The following SLC22A12 variants were observed in gnomAD, a reference collection of about 807,000 sequenced individuals.
SLC22A12 encodes the protein solute carrier family 22 member 12, also known as organic anion transporter 4-like protein.
A neutral mutation model predicts 52.7 loss-of-function variants in SLC22A12; 56 were observed. That is an observed-to-expected ratio of 1.06 (90% CI 0.86 to 1.33). The LOEUF is 1.33. Ranked by LOEUF, SLC22A12 falls within the 40% of genes most tolerant of loss-of-function variation. The pLI is 0.00. For missense variants in SLC22A12, 683 were observed against 741.5 expected (o/e 0.92, Z 0.92); for synonymous variants, 337 against 324.6 (o/e 1.04, Z -0.41).
At chr11:64,593,194 C>A (rs995832027) in intron 2 of SLC22A12, among the ~76,000 whole-genome samples, 1 of 152,284 alleles carries the variant, frequency 6.6e-6, no homozygotes, top group African/African-American at 2.4e-5. Flanking sequence ...CTCCTGGTGA[C>A]TGGAGCCCAT....
intron 4 of SLC22A12, 84 bp from the exon 5 acceptor site, chr11:64,598,432 G>T: frequency 6.5e-7 from 1 of 1,538,470 alleles, no homozygotes; most frequent in Non-Finnish European, 8.8e-7. Context: ...GGAGCAGTGG[G>T]TACAGGGTAG....
In SLC22A12 at chr11:64,591,421, G is replaced by A; in HGVS notation, c.-136G>A. ...AGCCTGAGCCTCCGGCCCCGAGTCT[G>A]TGAAGCCTAGCCGCTGGGCTGGAGA... is the stretch of plus-strand genomic sequence containing the variant. On this transcript the variant is annotated 5_prime_UTR_variant, in exon 1 of 10. The change creates a new upstream start codon in the 5' untranslated region. Coordinates refer to ENST00000377574, the MANE Select transcript of SLC22A12 (RefSeq NM_144585.4). The A allele has an allele frequency of 8.2e-7, 1 of 1,215,856 alleles. No homozygotes were observed. Among genetic ancestry groups the A allele is most frequent in the Non-Finnish European group, 1.2e-6 (1 of 865,648 alleles). 75.3% of individuals were successfully genotyped at this position (1,215,856 alleles called of 1,614,324 possible).
intron 4 of SLC22A12, among the ~76,000 whole-genome samples, chr11:64,594,455 G>A (rs925615735): frequency 2.6e-5 from 4 of 152,074 alleles, no homozygotes; most frequent in African/African-American, 7.2e-5. Context: ...TTGTTGAATG[G>A]ATGAATTGTT....
chr11:64,595,161 T>TTGGATGGA (rs1168842372), intron 4 of SLC22A12, among the ~76,000 whole-genome samples: 3 of 43,216 alleles, frequency 6.9e-5, no homozygotes, highest in Non-Finnish European at 1.5e-4. Context: ...GAATGGATGG[T>TTGGATGGA]TGGATGGATG....
rs768708701 is a variant in SLC22A12, at chr11:64,600,840, G to T, written c.1500G>T (p.Val500=). The T allele has an allele frequency of 5.6e-6, 9 of 1,608,134 alleles. No individual in the cohort carries two copies. Among genetic ancestry groups the T allele is most frequent in the South Asian group, 1.1e-5 (1 of 91,072 alleles). ...GVHGPWLPLL[V]YGTVPVLSGL... is the part of the protein sequence containing the mutation. ...ATGGCCCCTGGCTGCCCTTGCTGGT[G>T]TATGGGACGGTGCCAGTGCTGAGTG... Residue 500 remains valine, a synonymous_variant, in exon 9 of 10, where the codon GTG becomes GTT. Transcript: ENST00000377574.
chr11:64,591,826 C>T lies in SLC22A12; in HGVS notation c.270C>T (p.Arg90=), dbSNP rs941679274. ...GPNQRPHQCR[R]FRQPQWQLLD... is the part of the protein sequence containing the mutation. ...ACCAGAGGCCCCACCAGTGCCGCCG[C>T]TTCCGCCAGCCACAGTGGCAGCTCT... Residue 90 remains arginine (R), a synonymous_variant, in exon 1 of 10, where the codon CGC becomes CGT. Transcript: ENST00000377574. 7 of 1,612,142 alleles carry T rather than the reference C, an allele frequency of 4.3e-6. No homozygotes were observed. The East Asian group carries it at 1.6e-4, about 36-fold the overall frequency.
intron 4 of SLC22A12, among the ~76,000 whole-genome samples, chr11:64,594,969 AGATGGATGGATGGATGGGTGGATGGATG>A (rs2039062804): frequency 1.0e-4 from 1 of 9,804 alleles, no homozygotes; most frequent in African/African-American, 2.2e-4. Flanking sequence ...TGGTTGGAAT[AGATGGATGGATGGATGGGTGGATGGATG>A]GATGGATGGA....
Position 64,600,805 on chromosome 11 carries a change from CT to C in SLC22A12, c.1466del (p.Leu489ArgfsTer19). 1 of 1,606,474 alleles carries C rather than the reference CT, an allele frequency of 6.2e-7. No individual in the cohort carries two copies. Among genetic ancestry groups the C allele is most frequent in the Admixed American group, 1.7e-5 (1 of 60,032 alleles). On this transcript the variant is annotated frameshift_variant, in exon 9 of 10. Transcript: ENST00000377574. LOFTEE classifies it high-confidence loss of function. ...CATCCTGGGGCCTCTGGTCCGGCTG[CT>C]GGGTGTCCATGGCCCCTGGCTGCCC... is the stretch of plus-strand genomic sequence containing the variant. ...GAILGPLVRL[L>X]GVHGPWLPLL... is the part of the protein sequence containing the mutation.
In SLC22A12 at chr11:64,593,732, C is replaced by A; in HGVS notation, c.759C>A (p.Tyr253Ter). ...FGHGLTAAVA[Y>*]GVRDWTLLQL... ...ATGGCCTGACAGCTGCAGTGGCCTA[C>A]GGTGTGCGGGACTGGACACTGCTGC... The change falls in exon 4 of 10, where the codon TAC becomes TAA. Residue 253 changes from tyrosine (Y) to a stop codon, truncating the protein, a stop_gained. Transcript: ENST00000377574. LOFTEE classifies it high-confidence loss of function. The A allele has an allele frequency of 6.2e-7, 1 of 1,613,728 alleles. No homozygotes were observed. The highest frequency in any genetic ancestry group is 8.5e-7 in the Non-Finnish European group (1 of 1,180,022).
rs373337426 is a variant in SLC22A12, at chr11:64,599,643, C to T, written c.1071-33C>T. On this transcript the variant is annotated intron_variant, in intron 6 of 9. Coordinates refer to ENST00000377574, the MANE Select transcript of SLC22A12 (RefSeq NM_144585.4). The stretch of plus-strand genomic sequence containing the variant: ...GCCCACCACCCCCCCCCACCCCCCA[C>T]CCCCACCCTGACTTCCCTGACCCCT... 5,248 of 407,528 alleles carry T rather than the reference C, an allele frequency of 0.013. 106 individuals are homozygous for T. Among genetic ancestry groups the T allele is most frequent in the East Asian group, 0.032 (399 of 12,432 alleles). 25.2% of individuals were successfully genotyped at this position (407,528 alleles called of 1,614,324 possible).
chr11:64,599,814 G>A lies in SLC22A12; in HGVS notation c.1209G>A (p.Leu403=), dbSNP rs142769893. The part of the protein sequence containing the change: ...KMGALLLLSH[L]GRRPTLAASL... ...GCGCCCTGCTGCTGCTGAGCCACCT[G>A]GGCCGCCGCCCCACGCTGGCCGCAT... The change falls in exon 7 of 10, where the codon CTG becomes CTA. Residue 403 remains leucine, a synonymous_variant. Coordinates refer to ENST00000377574, the MANE Select transcript of SLC22A12 (RefSeq NM_144585.4). 12 of 1,612,646 alleles carry A rather than the reference G, an allele frequency of 7.4e-6. No individual in the cohort carries two copies. The highest frequency in any genetic ancestry group is 1.0e-5 in the Non-Finnish European group (12 of 1,179,868).
In SLC22A12 at chr11:64,591,390, C is replaced by T. The variant is rs768289545; in HGVS notation, c.-167C>T. The T allele has an allele frequency of 1.1e-5, 10 of 887,854 alleles. No homozygotes were observed. Among genetic ancestry groups the T allele is most frequent in the Non-Finnish European group, 1.7e-5 (10 of 590,874 alleles). The allele number at this position is 887,854 out of a possible 1,614,324, so 55.0% of individuals were successfully genotyped here. ...CCAAGTGACACCAGCAGGCAGATGACCAGAGAGCCTGAGCCTCCGGCCCCG... is the reference window on the plus strand; with the variant it reads ...CCAAGTGACACCAGCAGGCAGATGATCAGAGAGCCTGAGCCTCCGGCCCCG... On this transcript the variant is annotated 5_prime_UTR_variant, in exon 1 of 10. Coordinates refer to ENST00000377574, the MANE Select transcript of SLC22A12 (RefSeq NM_144585.4).
chr11:64,591,641 A>T lies in SLC22A12; in HGVS notation c.85A>T (p.Met29Leu). 2 of 1,613,266 alleles carry T rather than the reference A, an allele frequency of 1.2e-6. No homozygotes were observed. Among genetic ancestry groups the T allele is most frequent in the Non-Finnish European group, 1.7e-6 (2 of 1,180,034 alleles). Residue 29 changes from methionine (M) to leucine (L), a missense_variant, in exon 1 of 10, where the codon ATG (methionine) becomes TTG (leucine). Transcript: ENST00000377574. The part of the protein sequence containing the change: ...LQTMALMVSI[M>L]WLCTQSMLEN... ...GACGATGGCTCTGATGGTCTCCATC[A>T]TGTGGCTGTGTACCCAGAGCATGCT...
chr11:64,594,409 C>T (rs532107456), intron 4 of SLC22A12, among the ~76,000 whole-genome samples: 5 of 152,306 alleles, frequency 3.3e-5, no homozygotes, highest in East Asian at 1.9e-4. Context: ...TGGCCCTTGC[C>T]GAGCACCTGG....
At chr11:64,594,007 G>A (rs1168926165) in intron 4 of SLC22A12, among the ~76,000 whole-genome samples, 4 of 152,156 alleles carry the variant, frequency 2.6e-5, no homozygotes, top group Non-Finnish European at 4.4e-5. Context: ...TCCCCAGGGC[G>A]CCTCCCCTGC....
Position 64,598,627 on chromosome 11 carries a change from C to G in SLC22A12, c.942C>G (p.Thr314=). The change falls in exon 5 of 10, where the codon ACC becomes ACG. Residue 314 remains threonine, a synonymous_variant. Transcript: ENST00000377574. ...AINGKGAVQD[T]LTPEVLLSAM... ...ACGGAAAGGGGGCAGTGCAGGACAC[C>G]CTGACCCCTGAGGTAAGGCTGGGTC... 6.2e-7 allele frequency: 1 copy of G among 1,610,722 alleles called. No individual in the cohort carries two copies. The highest frequency in any genetic ancestry group is 8.5e-7 in the Non-Finnish European group (1 of 1,179,096).
At chr11:64,599,327 G>A (rs56317934) in intron 6 of SLC22A12, among the ~76,000 whole-genome samples, 15,585 of 152,036 alleles carry the variant, frequency 0.1, 1,232 homozygotes, top group East Asian at 0.29. Flanking sequence ...AGGCCAAGGA[G>A]GGAAGGACTG....
chr11:64,595,291 TTGGATGGATGGA>T (rs200650711), intron 4 of SLC22A12, among the ~76,000 whole-genome samples: 19 of 37,826 alleles, frequency 5.0e-4, no homozygotes, highest in Admixed American at 1.8e-3. Context: ...GAATGGATGG[TTGGATGGATGGA>T]TGGATGGATG....
chr11:64,600,662 G>A, intron 8 of SLC22A12, 73 bp from the exon 9 acceptor site: 1 of 1,593,970 alleles, frequency 6.3e-7, no homozygotes, highest in South Asian at 1.1e-5. Context: ...GGCCAAGCGG[G>A]CCTGGCCCGG....
Sources: allele counts gnomAD v4.1 joint callset (sites outside exome capture counted in the v4.1 genomes callset), GRCh38; gene constraint gnomAD v4.1.1; transcripts MANE v1.5; gene names NCBI Gene and HGNC (gene_info 2026-07-23, HGNC 2026-07-21).